Variants in DKK3 observed in about 807,000 individuals in gnomAD.
DKK3 encodes the protein dickkopf-related protein 3.
DKK3 carries 22 observed loss-of-function variants against 33.2 expected under a neutral mutation model. The ratio of observed to expected loss-of-function variants is 0.66; its 90% CI spans 0.47 to 0.95. DKK3 has a LOEUF of 0.95. Ranked by LOEUF, DKK3 falls within the 40% of genes least tolerant of loss-of-function variation. The pLI is 0.00. For synonymous variants in DKK3, 194 were observed against 188.8 expected (o/e 1.03, Z -0.23); for missense variants, 398 against 458.4 (o/e 0.87, Z 1.20).
In DKK3 at chr11:11,966,184, GT is replaced by G. The variant is rs377341676; in HGVS notation, c.674-220del. ...AAGCAGGGAGGACTGCCTGGAAGAGGTGGGCTTCTGCTGGATTTTGAGGGCC... is the reference window on the plus strand; with the variant it reads ...AAGCAGGGAGGACTGCCTGGAAGAGGGGGCTTCTGCTGGATTTTGAGGGCC... On this transcript the variant is annotated intron_variant, in intron 5 of 6. Coordinates refer to ENST00000683431, the MANE Select transcript of DKK3 (RefSeq NM_001018057.2). Among the ~76,000 whole-genome samples the G allele has an allele frequency of 7.9e-5, 12 of 152,346 alleles. No homozygotes were observed. In the South Asian group the frequency reaches 2.3e-3, roughly 29 times the overall value.
At chr11:11,977,724 T>A (rs1404475804) in intron 3 of DKK3, among the ~76,000 whole-genome samples, 2 of 152,144 alleles carry the variant, frequency 1.3e-5, no homozygotes, top group African/African-American at 2.4e-5. Flanking sequence ...GCACTCCATA[T>A]GCAGAAGATC....
At chr11:12,003,666 C>G (rs1234192868) in intron 1 of DKK3, among the ~76,000 whole-genome samples, 1 of 152,072 alleles carries the variant, frequency 6.6e-6, no homozygotes, top group Admixed American at 6.5e-5. Context: ...AAATGAGAGA[C>G]ATAAAGAGAA....
At chr11:11,977,892 G>A (rs1435269436) in intron 3 of DKK3, among the ~76,000 whole-genome samples, 1 of 152,164 alleles carries the variant, frequency 6.6e-6, no homozygotes, top group Admixed American at 6.5e-5. Flanking sequence ...GAGGTTATTG[G>A]ACAGATTAAA....
intron 3 of DKK3, among the ~76,000 whole-genome samples, chr11:11,977,289 C>T (rs1331766346): frequency 6.6e-6 from 1 of 151,974 alleles, no homozygotes; most frequent in Non-Finnish European, 1.5e-5. Context: ...CCTCCCTCTT[C>T]TCCTTCCAAT....
chr11:12,008,505 C>T lies in DKK3; in HGVS notation c.78G>A (p.Thr26=). 1.3e-6 allele frequency: 2 copies of T among 1,592,482 alleles called. No homozygotes were observed. The highest frequency in any genetic ancestry group is 1.3e-5 in the African/African-American group (1 of 74,660). The change falls in exon 1 of 7, where the codon ACG becomes ACA. Residue 26 remains threonine, a synonymous_variant. Transcript: ENST00000683431. The surrounding 1 kb of genome is among the most constrained non-coding windows in gnomAD (Gnocchi z 4.6). ...CGGGCTTGACTGGAGCCGAGGTCGC[C>T]GTCGGAGCGGGCGCGGGGGCCGTGG... ...AVPTAPAPAP[T]ATSAPVKPGP... is the part of the protein sequence containing the mutation.
intron 3 of DKK3, among the ~76,000 whole-genome samples, chr11:11,981,340 G>A (rs1016734936): frequency 9.9e-5 from 15 of 152,188 alleles, no homozygotes. Flanking sequence ...CCTCTAGATG[G>A]CTCCAGCGCT....
chr11:11,993,872 C>T (rs1240574625), intron 3 of DKK3, among the ~76,000 whole-genome samples: 2 of 152,298 alleles, frequency 1.3e-5, no homozygotes, highest in East Asian at 3.9e-4. Context: ...CAACTTGGGG[C>T]CCCAACTTGG....
At chr11:11,967,767 GAA>G (rs1271291882) in intron 4 of DKK3, among the ~76,000 whole-genome samples, 5 of 152,268 alleles carry the variant, frequency 3.3e-5, no homozygotes, top group Admixed American at 1.3e-4. Flanking sequence ...CCTGTTGGGT[GAA>G]GAGTCTCCTT....
chr11:11,964,286 TG>T lies in DKK3; in HGVS notation c.*177del. 1 of 811,712 alleles carries T rather than the reference TG, an allele frequency of 1.2e-6. No individual in the cohort carries two copies. Among genetic ancestry groups the T allele is most frequent in the Non-Finnish European group, 1.9e-6 (1 of 515,746 alleles). The allele number at this position is 811,712 out of a possible 1,614,324, so 50.3% of individuals were successfully genotyped here. On this transcript the variant is annotated 3_prime_UTR_variant, in exon 7 of 7. Transcript: ENST00000683431. ...CTCCCAAGCACCAGACTGTGAAGCC[TG>T]GAGAACAGCCTGGGGGAGCTGAACA...
At chr11:11,973,735 C>T (rs925144963) in intron 3 of DKK3, among the ~76,000 whole-genome samples, 2 of 152,212 alleles carry the variant, frequency 1.3e-5, no homozygotes, top group South Asian at 2.1e-4. Context: ...GAAGCAGCCC[C>T]GGTGCTTTGA....
chr11:11,999,488 A>G (rs972377017), intron 2 of DKK3, among the ~76,000 whole-genome samples: 2 of 152,288 alleles, frequency 1.3e-5, no homozygotes, highest in African/African-American at 4.8e-5. Context: ...ATTTAGCCGC[A>G]GTGGCAAGTG....
At chr11:12,005,254 T>C (rs995750444) in intron 1 of DKK3, among the ~76,000 whole-genome samples, 11 of 152,226 alleles carry the variant, frequency 7.2e-5, no homozygotes, top group African/African-American at 2.7e-4. Flanking sequence ...CTAACGGTTC[T>C]TAAATGGCAC....
intron 3 of DKK3, among the ~76,000 whole-genome samples, chr11:11,972,256 C>A (rs916938769): frequency 5.3e-5 from 8 of 152,204 alleles, no homozygotes; most frequent in African/African-American, 1.9e-4. Flanking sequence ...ATCTGCTCCT[C>A]CACACATCCA....
chr11:11,999,617 G>A (rs1053067653), intron 2 of DKK3, among the ~76,000 whole-genome samples: 1 of 151,680 alleles, frequency 6.6e-6, no homozygotes, highest in African/African-American at 2.4e-5. Flanking sequence ...GATAGAGTGA[G>A]ACTCCATCTC....
rs752657106 is a variant in DKK3 at position 11,965,977 on chromosome 11, C to T, written c.674-12G>A. ...AGGGAACAGCAGGCCTGGAACCAGC[C>T]CAGAGTCACCCCTGTGTGCCCCGTG... is the stretch of plus-strand genomic sequence containing the variant. On this transcript the variant is annotated splice_polypyrimidine_tract_variant and intron_variant, in intron 5 of 6. Transcript: ENST00000683431. 33 of 1,606,580 alleles carry T rather than the reference C, an allele frequency of 2.1e-5. No homozygotes were observed. The South Asian group carries it at 3.4e-4, about 17-fold the overall frequency.
chr11:11,982,821 T>C (rs74648183), intron 3 of DKK3, among the ~76,000 whole-genome samples: 2,389 of 152,330 alleles, frequency 0.016, 42 homozygotes, highest in Non-Finnish European at 0.022. Context: ...GAGGCCCTAA[T>C]GAAATCCCCT....
chr11:11,978,473 CTTCTTT>C, intron 3 of DKK3, among the ~76,000 whole-genome samples: 1 of 118,874 alleles, frequency 8.4e-6, no homozygotes, highest in African/African-American at 2.6e-5. Flanking sequence ...TCCTCCACTT[CTTCTTT>C]TTCTTCCTCT....
intron 3 of DKK3, among the ~76,000 whole-genome samples, chr11:11,992,015 C>T (rs796960878): frequency 7.9e-5 from 12 of 152,230 alleles, no homozygotes; most frequent in African/African-American, 2.6e-4. Context: ...GATGCTTCTC[C>T]GATGTTAGAG....
At chr11:12,008,955 T>C (rs1210246398), upstream of DKK3, 15 of 1,016,110 alleles carry the variant, frequency 1.5e-5, no homozygotes, top group African/African-American at 1.7e-5. This position sits in a 1 kb window ranked among gnomAD's most constrained non-coding sequence, Gnocchi z 4.6. Flanking sequence ...CTAGACTCTG[T>C]CCCCGGTTCA....
Sources: gnomAD v4.1 joint callset for allele counts (sites outside exome capture counted in the v4.1 genomes callset) on GRCh38, gnomAD v4.1.1 for gene constraint, Gnocchi (gnomAD v3.1) non-coding constraint, MANE v1.5 for transcripts, NCBI Gene and HGNC (gene_info 2026-07-23, HGNC 2026-07-21) for gene names.